Variants in TRERF1 observed in about 807,000 individuals in gnomAD.
TRERF1 encodes the protein transcriptional regulating factor 1, also known as transcriptional-regulating factor 1.
Under a neutral mutation model 122.9 loss-of-function variants are expected in TRERF1, and 27 were observed. That is an observed-to-expected ratio of 0.22 (90% CI 0.16 to 0.30). TRERF1 has a LOEUF of 0.30. TRERF1 is among the 10% of genes least tolerant of loss of function. The pLI, the probability that TRERF1 is intolerant of heterozygous loss-of-function variation, is 1.00. For missense variants in TRERF1, 1,248 were observed against 1,560.3 expected (o/e 0.80, Z 3.37); for synonymous variants, 636 against 641.7 (o/e 0.99, Z 0.13).
intron 3 of TRERF1, among the ~76,000 whole-genome samples, chr6:42,338,588 G>A (rs185475473): frequency 6.4e-4 from 97 of 152,266 alleles, no homozygotes; most frequent in Middle Eastern, 6.8e-3. Flanking sequence ...TGAGAATTAT[G>A]AGCTGGAAAC....
chr6:42,332,186 G>A (rs1254441165), intron 3 of TRERF1, among the ~76,000 whole-genome samples: 1 of 152,170 alleles, frequency 6.6e-6, no homozygotes, highest in Non-Finnish European at 1.5e-5. Flanking sequence ...CAGGTGATCC[G>A]CCCACCTCGG....
chr6:42,452,137 CT>C (rs879092101), upstream of TRERF1: 1,310 of 138,556 alleles, frequency 9.5e-3, 3 homozygotes, highest in Non-Finnish European at 0.01. Flanking sequence ...TCCTCTCGGC[CT>C]TTTTTTTTTT....
chr6:42,269,889 G>A lies in TRERF1; in HGVS notation c.-258-41C>T, dbSNP rs973766223. On this transcript the variant is annotated intron_variant, in intron 4 of 17. Transcript: ENST00000372922. This position sits in a 1 kb window ranked among gnomAD's most constrained non-coding sequence, Gnocchi z 4.9. ...CAAAAGACAGGAAAGGATTTATTTG[G>A]ATGTTTTGTGATGAGCAATTGATAT... 1 of 424,864 alleles carries A rather than the reference G, an allele frequency of 2.4e-6. No homozygotes were observed. The highest frequency in any genetic ancestry group is 4.3e-5 in the Admixed American group (1 of 23,370). The allele number at this position is 424,864 out of a possible 1,614,324, so 26.3% of individuals were successfully genotyped here.
At chr6:42,356,100 T>C (rs1770485970) in intron 3 of TRERF1, among the ~76,000 whole-genome samples, 1 of 152,210 alleles carries the variant, frequency 6.6e-6, no homozygotes, top group Non-Finnish European at 1.5e-5. Context: ...CAACTTCCCA[T>C]TTTATTGTGC....
chr6:42,302,565 T>C (rs1786412225), intron 3 of TRERF1, among the ~76,000 whole-genome samples: 1 of 152,258 alleles, frequency 6.6e-6, no homozygotes, highest in Non-Finnish European at 1.5e-5. Context: ...TTGTTGCTCA[T>C]GAAATTCTAG....
intron 2 of TRERF1, among the ~76,000 whole-genome samples, chr6:42,389,392 G>A (rs1244610921): frequency 1.3e-5 from 2 of 152,230 alleles, no homozygotes; most frequent in Non-Finnish European, 2.9e-5. Context: ...TGATGCCAGT[G>A]AAGGCAACGT....
chr6:42,386,222 C>T (rs978229023), intron 2 of TRERF1, among the ~76,000 whole-genome samples: 4 of 152,162 alleles, frequency 2.6e-5, no homozygotes, highest in South Asian at 2.1e-4. Flanking sequence ...TTAGTAGAGA[C>T]GGGGTTTTGC....
At chr6:42,319,822 A>G (rs1763096682) in intron 3 of TRERF1, among the ~76,000 whole-genome samples, 1 of 151,668 alleles carries the variant, frequency 6.6e-6, no homozygotes. Context: ...CAAAAAAAAA[A>G]AAAAAAAATG....
chr6:42,406,601 A>G (rs1383862489), intron 2 of TRERF1, among the ~76,000 whole-genome samples: 2 of 151,876 alleles, frequency 1.3e-5, no homozygotes, highest in Non-Finnish European at 2.9e-5. Flanking sequence ...AAATCTACCT[A>G]ATGTCTTCTG....
chr6:42,277,074 CCT>C (rs901319377), intron 4 of TRERF1, among the ~76,000 whole-genome samples: 2 of 152,162 alleles, frequency 1.3e-5, no homozygotes, highest in African/African-American at 4.8e-5. Context: ...TCGTCTCCCC[CCT>C]GTGACTACCA....
chr6:42,290,562 T>A (rs1352483360), intron 4 of TRERF1, among the ~76,000 whole-genome samples: 1 of 151,964 alleles, frequency 6.6e-6, no homozygotes, highest in Admixed American at 6.6e-5. Flanking sequence ...TGATGGTGTA[T>A]TGACAACACA....
Position 42,268,151 on chromosome 6 carries a change from T to A in TRERF1, c.1437+3A>T. On this transcript the variant is annotated splice_donor_region_variant and intron_variant, in intron 5 of 17. Transcript: ENST00000372922. This position sits in a 1 kb window ranked among gnomAD's most constrained non-coding sequence, Gnocchi z 4.4. ...TTGAGAGAAACTTCCAATGGGAGAATACCTGGGGCCACATGGCACTGGGAG... is the reference window on the plus strand; with the variant it reads ...TTGAGAGAAACTTCCAATGGGAGAAAACCTGGGGCCACATGGCACTGGGAG... 2 of 1,445,998 alleles carry A rather than the reference T, an allele frequency of 1.4e-6. No individual in the cohort carries two copies. The highest frequency in any genetic ancestry group is 1.8e-6 in the Non-Finnish European group (2 of 1,097,756). 89.6% of individuals were successfully genotyped at this position (1,445,998 alleles called of 1,614,324 possible).
intron 2 of TRERF1, among the ~76,000 whole-genome samples, chr6:42,405,721 G>A (rs552941996): frequency 6.6e-6 from 1 of 151,816 alleles, no homozygotes; most frequent in African/African-American, 2.4e-5. Flanking sequence ...CTTGAGCCTG[G>A]GAGGTGGCAG....
chr6:42,268,294 T>A lies in TRERF1; in HGVS notation c.1297A>T (p.Met433Leu). The A allele has an allele frequency of 6.6e-7, 1 of 1,513,642 alleles. No homozygotes were observed. Among genetic ancestry groups the A allele is most frequent in the Non-Finnish European group, 8.8e-7 (1 of 1,132,268 alleles). 93.8% of individuals were successfully genotyped at this position (1,513,642 alleles called of 1,614,324 possible). A position where few individuals can be genotyped will look rare whatever the true frequency, so the allele number is the denominator to read the frequency against. Residue 433 changes from methionine (M) to leucine (L), a missense_variant, in exon 5 of 18, where the codon ATG becomes TTG. Coordinates refer to ENST00000372922, the Ensembl canonical transcript of TRERF1. This position sits in a 1 kb window ranked among gnomAD's most constrained non-coding sequence, Gnocchi z 4.4. ...AGATCTGAGCTCGCTGGGTCTCCCA[T>A]TCCTGTGTCAGGAGGCCCCAGGTCC...
chr6:42,427,154 C>G (rs1783741837), intron 2 of TRERF1, among the ~76,000 whole-genome samples: 1 of 151,804 alleles, frequency 6.6e-6, no homozygotes, highest in Non-Finnish European at 1.5e-5. Context: ...GAACCTATCT[C>G]TATAAAAAAT....
rs543317596 is a variant in TRERF1, at chr6:42,396,734, T to C, written c.-453-33655A>G. ...GAGAACATATATAACTTGGGATTTATTCATTTGTTTCCACAATGAAACCCA... is the reference window on the plus strand; with the variant it reads ...GAGAACATATATAACTTGGGATTTACTCATTTGTTTCCACAATGAAACCCA... On this transcript the variant is annotated intron_variant, in intron 2 of 17. Coordinates refer to ENST00000372922, the Ensembl canonical transcript of TRERF1. Among the ~76,000 whole-genome samples, 3 of 152,342 alleles carry C rather than the reference T, an allele frequency of 2.0e-5. No individual in the cohort carries two copies. The East Asian group carries it at 5.8e-4, about 29-fold the overall frequency.
In TRERF1 at chr6:42,236,076, C is replaced by T. The variant is rs532462958; in HGVS notation, c.3066+129G>A. ...CAAATGAAGCAGAAAACAATGGCAA[C>T]ATGGAGCACCCTCTGCCAAACTGTG... On this transcript the variant is annotated intron_variant, in intron 16 of 17. Transcript: ENST00000372922. The T allele has an allele frequency of 1.8e-5, 25 of 1,386,350 alleles. No individual in the cohort carries two copies. The African/African-American group carries it at 3.3e-4, about 18-fold the overall frequency. The allele number at this position is 1,386,350 out of a possible 1,614,324, so 85.9% of individuals were successfully genotyped here. A position where few individuals can be genotyped will look rare whatever the true frequency, so the allele number is the denominator to read the frequency against.
chr6:42,262,612 A>AGAGAGAGAGAGAGAGAGAGAGAGAGAGAG lies in TRERF1; in HGVS notation c.1884+707_1884+708insCTCTCTCTCTCTCTCTCTCTCTCTCTCTC, dbSNP rs1169414320. ...GAGAGAGAGAGAGACAGACAGACGG[A>AGAGAGAGAGAGAGAGAGAGAGAGAGAGAG]AACCCTTCCCAGAGGCAAATTAAGC... On this transcript the variant is annotated intron_variant, in intron 8 of 17. Coordinates refer to ENST00000372922, the Ensembl canonical transcript of TRERF1. Among the ~76,000 whole-genome samples the AGAGAGAGAGAGAGAGAGAGAGAGAGAGAG allele has an allele frequency of 2.0e-3, 231 of 116,322 alleles. 2 individuals are homozygous for AGAGAGAGAGAGAGAGAGAGAGAGAGAGAG. Among genetic ancestry groups the AGAGAGAGAGAGAGAGAGAGAGAGAGAGAG allele is most frequent in the Admixed American group, 2.5e-3 (28 of 11,338 alleles). 76.3% of individuals were successfully genotyped at this position (116,322 alleles called of 152,430 possible). A position where few individuals can be genotyped will look rare whatever the true frequency, so the allele number is the denominator to read the frequency against.
At chr6:42,372,257 T>C (rs191299190) in intron 2 of TRERF1, among the ~76,000 whole-genome samples, 3 of 152,338 alleles carry the variant, frequency 2.0e-5, no homozygotes, top group Non-Finnish European at 4.4e-5. Flanking sequence ...GCTTCTGTTC[T>C]TCATTTGCCT....
Sources: allele counts gnomAD v4.1 joint callset (sites outside exome capture counted in the v4.1 genomes callset), GRCh38; gene constraint gnomAD v4.1.1; non-coding constraint Gnocchi (gnomAD v3.1); transcripts MANE v1.5; gene names NCBI Gene and HGNC (gene_info 2026-07-23, HGNC 2026-07-21).